MDGA1: variants seen among roughly 807,000 people sequenced by gnomAD.
MDGA1 encodes the protein MAM domain-containing glycosylphosphatidylinositol anchor protein 1.
In MDGA1, 54 loss-of-function variants were observed where a neutral mutation model predicts 101.5. The observed-to-expected ratio is 0.53, with a 90% CI of 0.43 to 0.67. The LOEUF (loss-of-function observed/expected upper bound fraction) is 0.67, where lower values mean the gene tolerates loss of function less well. Ranked by LOEUF, MDGA1 falls within the 30% of genes least tolerant of loss-of-function variation. MDGA1 has a pLI of 0.00. For missense variants in MDGA1, 1,083 were observed against 1,323.8 expected, an observed-to-expected ratio of 0.82 and a Z score of 2.82; for synonymous variants, 533 against 558.3, an observed-to-expected ratio of 0.95 and a Z score of 0.64.
At chr6:37,695,713 C>T (rs761565358) in intron 1 of MDGA1, among the ~76,000 whole-genome samples, 5 of 152,226 alleles carry the variant, frequency 3.3e-5, no homozygotes, top group Non-Finnish European at 5.9e-5. Context: ...AATCATTAGT[C>T]CCTCCACCCA....
intron 1 of MDGA1, among the ~76,000 whole-genome samples, chr6:37,672,073 G>A (rs537949397): frequency 2.6e-5 from 4 of 151,810 alleles, no homozygotes; most frequent in Admixed American, 1.3e-4. Context: ...CTCAGGAGGT[G>A]GAGACTGCAG....
At position 37,655,119 on chromosome 6, in the gene MDGA1, G is replaced by A. The variant is rs1401253044; in HGVS notation, c.580-187C>T. ...TGGGGTGGATGCTACACTCTCCATAGCCTTGGCAGTGCCTCATCATGGGAT... is the reference window on the plus strand; with the variant it reads ...TGGGGTGGATGCTACACTCTCCATAACCTTGGCAGTGCCTCATCATGGGAT... On this transcript the variant is annotated intron_variant, in intron 4 of 16. Transcript: ENST00000434837. This position sits in a 1 kb window ranked among gnomAD's most constrained non-coding sequence, Gnocchi z 5.1. 1.5e-6 allele frequency: 1 copy of A among 671,068 alleles called. No homozygotes were observed. The highest frequency in any genetic ancestry group is 2.5e-6 in the Non-Finnish European group (1 of 403,736). The allele number at this position is 671,068 out of a possible 1,614,324, so 41.6% of individuals were successfully genotyped here. A position where few individuals can be genotyped will look rare whatever the true frequency, so the allele number is the denominator to read the frequency against.
At chr6:37,657,718 G>A (rs949248564) in intron 3 of MDGA1, among the ~76,000 whole-genome samples, 1 of 152,190 alleles carries the variant, frequency 6.6e-6, no homozygotes. Context: ...CAGGCTCCTC[G>A]GGCTAAAGGA....
At position 37,633,451 on chromosome 6, in the gene MDGA1, G is replaced by A. The variant is rs888106890; in HGVS notation, c.*3917C>T. 2.6e-5 allele frequency: 4 copies of A among 152,212 alleles called. No homozygotes were observed. The highest frequency in any genetic ancestry group is 9.7e-5 in the African/African-American group (4 of 41,422). The allele number at this position is 152,212 out of a possible 1,614,324, so 9.4% of individuals were successfully genotyped here. On this transcript the variant is annotated 3_prime_UTR_variant, in exon 17 of 17. Transcript: ENST00000434837. ...TGCACGCCCCATCCGTGACCCTCCC[G>A]GTCTTTGGGGAAACCAAGAGGATGA...
In MDGA1 at chr6:37,659,775, C is replaced by T. The variant is rs556838309; in HGVS notation, c.208-1356G>A. On this transcript the variant is annotated intron_variant, in intron 2 of 16. Transcript: ENST00000434837. Reference sequence around the variant, plus strand: ...CATCCCCTGCCCGCATTTGACTCTACCCTCATGGAGCTAGAGGTTACAAAA... The same window carrying T: ...CATCCCCTGCCCGCATTTGACTCTATCCTCATGGAGCTAGAGGTTACAAAA... Among the ~76,000 whole-genome samples the T allele has an allele frequency of 3.3e-5, 5 of 152,256 alleles. No homozygotes were observed. The South Asian group carries it at 1.0e-3, about 32-fold the overall frequency.
chr6:37,643,732 A>G, intron 14 of MDGA1, 77 bp downstream of exon 14: 1 of 1,581,548 alleles, frequency 6.3e-7, no homozygotes, highest in Non-Finnish European at 8.6e-7. Context: ...GGGCCAGCCC[A>G]TCGCCTCCTG....
intron 2 of MDGA1, among the ~76,000 whole-genome samples, chr6:37,662,161 C>T (rs1761639086): frequency 2.2e-5 from 1 of 45,042 alleles, no homozygotes; most frequent in African/African-American, 5.8e-5. Flanking sequence ...GACCCTGTCT[C>T]GAAAAAAAAA....
chr6:37,672,547 G>C (rs1307812334), intron 1 of MDGA1, among the ~76,000 whole-genome samples: 1 of 152,160 alleles, frequency 6.6e-6, no homozygotes, highest in Non-Finnish European at 1.5e-5. Context: ...CAAAGAACAG[G>C]GTGAGGAAGG....
chr6:37,658,402 C>T lies in MDGA1; in HGVS notation c.225G>A (p.Thr75=). 9 of 1,609,534 alleles carry T rather than the reference C, an allele frequency of 5.6e-6. No individual in the cohort carries two copies. The highest frequency in any genetic ancestry group is 6.8e-6 in the Non-Finnish European group (8 of 1,178,100). ...HPRPQVRWTK[T]AGSASDKFQE... ...GGAACTTGTCCGAGGCGCTACCTGCCGTCTTGGTCCACCGTACCTGGGCCG... is the reference window on the plus strand; with the variant it reads ...GGAACTTGTCCGAGGCGCTACCTGCTGTCTTGGTCCACCGTACCTGGGCCG... The change falls in exon 3 of 17, where the codon ACG becomes ACA. Residue 75 remains threonine, a synonymous_variant. Transcript: ENST00000434837.
intron 1 of MDGA1, among the ~76,000 whole-genome samples, chr6:37,688,282 G>A (rs1762239195): frequency 6.6e-6 from 1 of 152,210 alleles, no homozygotes; most frequent in African/African-American, 2.4e-5. Context: ...TCTGATTCAG[G>A]AGGCCCGGGG....
Position 37,638,528 on chromosome 6 carries a change from C to T in MDGA1, c.2667+9G>A, listed in dbSNP as rs3778013. On this transcript the variant is annotated intron_variant, in intron 15 of 16. Transcript: ENST00000434837. This position sits in a 1 kb window ranked among gnomAD's most constrained non-coding sequence, Gnocchi z 4.8. Reference sequence around the variant, plus strand: ...GCCGGGGAGGGTCCTCTGGGCCCTACGGACTCACCTGGAAGGGCCCACTGG... The same window carrying T: ...GCCGGGGAGGGTCCTCTGGGCCCTATGGACTCACCTGGAAGGGCCCACTGG... 148,016 of 1,613,586 alleles carry T rather than the reference C, an allele frequency of 0.092. 9,673 individuals are homozygous for T. The highest frequency in any genetic ancestry group is 0.38 in the East Asian group (16,844 of 44,840).
intron 8 of MDGA1, among the ~76,000 whole-genome samples, chr6:37,649,486 T>G (rs1761305915): frequency 6.6e-6 from 1 of 152,220 alleles, no homozygotes; most frequent in Non-Finnish European, 1.5e-5. Flanking sequence ...CCAGCCATGC[T>G]TCCCAGACCC....
chr6:37,658,591 C>T (rs1163402903), intron 2 of MDGA1, among the ~76,000 whole-genome samples, 172 bp from the exon 3 acceptor site: 1 of 152,176 alleles, frequency 6.6e-6, no homozygotes, highest in African/African-American at 2.4e-5. Flanking sequence ...AATGCACAGA[C>T]GGGGTAGAAT....
At chr6:37,643,628 G>T (rs1391457078) in intron 14 of MDGA1, among the ~76,000 whole-genome samples, 181 bp downstream of exon 14, 1 of 152,174 alleles carries the variant, frequency 6.6e-6, no homozygotes, top group Non-Finnish European at 1.5e-5. Flanking sequence ...CAAAACCTCG[G>T]ACAAGCTGGC....
At chr6:37,681,575 ACAT>A (rs1352326071) in intron 1 of MDGA1, among the ~76,000 whole-genome samples, 1 of 152,252 alleles carries the variant, frequency 6.6e-6, no homozygotes, top group Non-Finnish European at 1.5e-5. Context: ...ATCGTGTGCA[ACAT>A]CATCACCCAT....
chr6:37,671,216 G>A (rs1353469433), intron 1 of MDGA1, among the ~76,000 whole-genome samples: 6 of 152,104 alleles, frequency 3.9e-5, no homozygotes, highest in East Asian at 3.8e-4. Flanking sequence ...TCTTTCTCTC[G>A]CCCTCTCTGA....
chr6:37,649,164 G>C lies in MDGA1; in HGVS notation c.1712C>G (p.Ala571Gly). The change falls in exon 9 of 17, where the codon GCC becomes GGC. Residue 571 changes from alanine (A) to glycine (G), a missense_variant. Around this residue, in one of 3 missense-constraint regions of MDGA1, gnomAD observed 657 missense variants for 771.4 expected, o/e 0.85. Transcript: ENST00000434837. ...CCCTTTGAAACGCCACACAGCCGAGGCGATGCGCTGGGGGCTGCCTCGCAG... is the reference window on the plus strand; with the variant it reads ...CCCTTTGAAACGCCACACAGCCGAGCCGATGCGCTGGGGGCTGCCTCGCAG... ...SLLRGSPQRIASAVWRFKGQL... is the reference protein window; with the variant it reads ...SLLRGSPQRIGSAVWRFKGQL... The C allele has an allele frequency of 6.7e-7, 1 of 1,502,750 alleles. No homozygotes were observed. The highest frequency in any genetic ancestry group is 8.8e-7 in the Non-Finnish European group (1 of 1,133,348). The allele number at this position is 1,502,750 out of a possible 1,614,324, so 93.1% of individuals were successfully genotyped here. A position where few individuals can be genotyped will look rare whatever the true frequency, so the allele number is the denominator to read the frequency against.
At chr6:37,649,969 G>T in intron 8 of MDGA1, 140 bp downstream of exon 8, 1 of 955,108 alleles carries the variant, frequency 1.0e-6, no homozygotes, top group Non-Finnish European at 1.6e-6. Context: ...GCATGGGGCT[G>T]TCAAGGAGCA....
intron 1 of MDGA1, among the ~76,000 whole-genome samples, chr6:37,677,858 C>T (rs1006049236): frequency 8.5e-5 from 13 of 152,308 alleles, no homozygotes; most frequent in African/African-American, 1.4e-4. Context: ...CCTCCGACCT[C>T]GGGTCACTGT....
Sources: allele counts gnomAD v4.1 joint callset (sites outside exome capture counted in the v4.1 genomes callset), GRCh38; gene constraint gnomAD v4.1.1; regional missense constraint gnomAD v4.1.1; non-coding constraint Gnocchi (gnomAD v3.1); transcripts MANE v1.5; gene names NCBI Gene and HGNC (gene_info 2026-07-23, HGNC 2026-07-21).